Variants in SH3PXD2B observed in about 807,000 individuals in gnomAD.
SH3PXD2B encodes the protein SH3 and PX domain-containing protein 2B.
SH3PXD2B carries 37 observed loss-of-function variants against 73.1 expected under a neutral mutation model. That is an observed-to-expected ratio of 0.51 (90% CI 0.39 to 0.67). The LOEUF (loss-of-function observed/expected upper bound fraction) is 0.67, where lower values mean the gene tolerates loss of function less well. Ranked by LOEUF, SH3PXD2B falls within the 30% of genes least tolerant of loss-of-function variation. The pLI, the probability that SH3PXD2B is intolerant of heterozygous loss-of-function variation, is 0.00. For missense variants in SH3PXD2B, 1,053 were observed against 1,197.8 expected (o/e 0.88, Z 1.78); for synonymous variants, 457 against 480.5 (o/e 0.95, Z 0.64).
intron 1 of SH3PXD2B, among the ~76,000 whole-genome samples, chr5:172,441,970 C>T (rs1759559999): frequency 6.6e-6 from 1 of 152,138 alleles, no homozygotes; most frequent in Non-Finnish European, 1.5e-5. Flanking sequence ...TGCCCCTGTC[C>T]CTATGTGAGC....
intron 5 of SH3PXD2B, among the ~76,000 whole-genome samples, chr5:172,377,235 A>T (rs1275013934): frequency 6.6e-6 from 1 of 151,766 alleles, no homozygotes; most frequent in African/African-American, 2.4e-5. Context: ...AAGTTTTCCT[A>T]CTCATGGCGG....
downstream of SH3PXD2B, among the ~76,000 whole-genome samples, chr5:172,329,083 AT>A (rs1164155218): frequency 7.4e-4 from 46 of 61,810 alleles, 2 homozygotes; most frequent in South Asian, 4.0e-3. Context: ...ATATATATAT[AT>A]TTTTTTTTTT....
chr5:172,403,281 CTG>C lies in SH3PXD2B; in HGVS notation c.232+2994_232+2995del, dbSNP rs574720216. Among the ~76,000 whole-genome samples the C allele has an allele frequency of 4.3e-3, 657 of 152,344 alleles. 3 individuals are homozygous for C. Among genetic ancestry groups the C allele is most frequent in the African/African-American group, 0.015 (634 of 41,584 alleles). ...CCCCAGCTCCTCCTGGGATGGAAAA[CTG>C]TGCAGGCTGCTCTCCCCTCCCCCGC... On this transcript the variant is annotated intron_variant, in intron 3 of 12. Transcript: ENST00000311601.
chr5:172,363,680 G>T (rs1356669165), intron 6 of SH3PXD2B, among the ~76,000 whole-genome samples: 1 of 152,132 alleles, frequency 6.6e-6, no homozygotes, highest in Non-Finnish European at 1.5e-5. Flanking sequence ...AGATGGGAAA[G>T]GACTTGGGGT....
intron 1 of SH3PXD2B, 72 bp downstream of exon 1, chr5:172,454,206 C>A (rs1759874533): frequency 7.2e-7 from 1 of 1,384,862 alleles, no homozygotes; most frequent in Non-Finnish European, 9.9e-7. Flanking sequence ...AGAAGTTTTC[C>A]AAGCCGGGGG....
At chr5:172,371,704 C>G (rs1033633400) in intron 6 of SH3PXD2B, among the ~76,000 whole-genome samples, 2 of 152,162 alleles carry the variant, frequency 1.3e-5, no homozygotes, top group Non-Finnish European at 2.9e-5. Context: ...CTCCCTTTTC[C>G]AGACAAATCC....
intron 6 of SH3PXD2B, among the ~76,000 whole-genome samples, chr5:172,368,303 T>A (rs1348187287): frequency 2.6e-5 from 4 of 150,962 alleles, no homozygotes; most frequent in African/African-American, 9.7e-5. Context: ...TCATAGGTTC[T>A]GTATATTTAC....
At chr5:172,408,841 GTTTAT>G (rs757933968) in intron 2 of SH3PXD2B, among the ~76,000 whole-genome samples, 1 of 115,684 alleles carries the variant, frequency 8.6e-6, no homozygotes. Flanking sequence ...TCACTTTCTA[GTTTAT>G]TTTAATTTTT....
chr5:172,396,560 A>G (rs1263314792), intron 3 of SH3PXD2B, among the ~76,000 whole-genome samples: 1 of 152,208 alleles, frequency 6.6e-6, no homozygotes, highest in African/African-American at 2.4e-5. Flanking sequence ...TCTGGTGCAA[A>G]AGGACACTAT....
In SH3PXD2B at chr5:172,333,900, C is replaced by A; in HGVS notation, c.*4469G>T. On this transcript the variant is annotated 3_prime_UTR_variant, in exon 13 of 13. Transcript: ENST00000311601. ...GGGGCGCTAACAATAATTACACGGG[C>A]ACAAAGGCATACATGGGCACACACT... 1.6e-6 allele frequency: 2 copies of A among 1,270,042 alleles called. No individual in the cohort carries two copies. The highest frequency in any genetic ancestry group is 2.0e-6 in the Non-Finnish European group (2 of 984,034). 78.7% of individuals were successfully genotyped at this position (1,270,042 alleles called of 1,614,324 possible).
chr5:172,369,445 G>A (rs1757653199), intron 6 of SH3PXD2B, among the ~76,000 whole-genome samples: 2 of 152,136 alleles, frequency 1.3e-5, no homozygotes, highest in Non-Finnish European at 2.9e-5. Context: ...CTAGGGCTCA[G>A]TAAGTGTCTG....
At position 172,339,033 on chromosome 5, in the gene SH3PXD2B, C is replaced by A. The variant is rs768981267; in HGVS notation, c.2072G>T (p.Gly691Val). ...LDGEGPQAVG[G>V]QDVAFSRSFL... ...GCTTCGGCTGAAGGCCACGTCTTGG[C>A]CCCCTACTGCCTGGGGGCCCTCCCC... Residue 691 changes from glycine to valine, a missense_variant, in exon 13 of 13, where the codon GGC becomes GTC. Gly to Val is a moderately radical substitution (Grantham distance 109, BLOSUM62 -3). This residue lies in a region of SH3PXD2B where 587 missense variants were observed against 590.7 expected (regional missense o/e 0.99). Coordinates refer to ENST00000311601, the MANE Select transcript of SH3PXD2B (RefSeq NM_001017995.3). The surrounding 1 kb of genome is among the most constrained non-coding windows in gnomAD (Gnocchi z 6.1). The A allele has an allele frequency of 6.2e-7, 1 of 1,614,174 alleles. No individual in the cohort carries two copies. The highest frequency in any genetic ancestry group is 8.5e-7 in the Non-Finnish European group (1 of 1,179,978).
intron 4 of SH3PXD2B, among the ~76,000 whole-genome samples, chr5:172,392,182 T>G (rs1284609553): frequency 1.3e-5 from 2 of 152,064 alleles, no homozygotes; most frequent in African/African-American, 2.4e-5. Flanking sequence ...AAGAGGTAAT[T>G]TAAAGTAAAA....
downstream of SH3PXD2B, among the ~76,000 whole-genome samples, chr5:172,332,048 G>A (rs898056390): frequency 6.6e-5 from 10 of 152,184 alleles, no homozygotes; most frequent in East Asian, 5.8e-4. Flanking sequence ...TGTAGTGAGA[G>A]GGCAAGTAGA....
intron 6 of SH3PXD2B, among the ~76,000 whole-genome samples, chr5:172,368,712 A>ATATATATATAAAATATATATATAT (rs1757628054): frequency 1.2e-5 from 1 of 85,510 alleles, no homozygotes; most frequent in South Asian, 3.4e-4. Context: ...TATATATATT[A>ATATATATATAAAATATATATATAT]TATATATATA....
chr5:172,404,118 T>C (rs1458190560), intron 3 of SH3PXD2B, among the ~76,000 whole-genome samples: 2 of 152,306 alleles, frequency 1.3e-5, no homozygotes, highest in South Asian at 2.1e-4. Flanking sequence ...TTAGCTTTTT[T>C]AGGTAAAGGA....
intron 12 of SH3PXD2B, among the ~76,000 whole-genome samples, chr5:172,342,310 CCT>C (rs1373175630): frequency 6.6e-6 from 1 of 152,116 alleles, no homozygotes; most frequent in Non-Finnish European, 1.5e-5. Flanking sequence ...CTCATGACAC[CCT>C]GTGAGTGGGG....
chr5:172,426,322 T>C (rs1759096335), intron 1 of SH3PXD2B, among the ~76,000 whole-genome samples: 1 of 152,148 alleles, frequency 6.6e-6, no homozygotes, highest in Non-Finnish European at 1.5e-5. Flanking sequence ...ACACCCTGGG[T>C]CACAGAGCCA....
intron 10 of SH3PXD2B, among the ~76,000 whole-genome samples, chr5:172,350,151 G>A (rs1185562382): frequency 2.6e-5 from 4 of 152,128 alleles, no homozygotes; most frequent in East Asian, 3.9e-4. Context: ...CACTGTGCCC[G>A]GCCAGCAATG....
Sources: gnomAD v4.1 joint callset for allele counts (sites outside exome capture counted in the v4.1 genomes callset) on GRCh38, gnomAD v4.1.1 for gene constraint, gnomAD v4.1.1 regional missense constraint, Gnocchi (gnomAD v3.1) non-coding constraint, MANE v1.5 for transcripts, NCBI Gene and HGNC (gene_info 2026-07-23, HGNC 2026-07-21) for gene names.